The following FMNL2 variants were observed in gnomAD, a reference collection of about 807,000 sequenced individuals.
FMNL2 encodes formin like 2.
A neutral mutation model predicts 130.2 loss-of-function variants in FMNL2; 51 were observed. That is an observed-to-expected ratio of 0.39 (90% CI 0.31 to 0.49). The LOEUF (loss-of-function observed/expected upper bound fraction) is 0.49. Among genes scored for constraint, FMNL2 ranks in the 20% least tolerant of loss-of-function variants. FMNL2 has a pLI of 0.85. For missense variants in FMNL2, 977 were observed against 1,316.2 expected (o/e 0.74, Z 3.99); for synonymous variants, 465 against 467.1 (o/e 1.00, Z 0.06).
chr2:152,358,530 A>G (rs886092435), intron 1 of FMNL2, among the ~76,000 whole-genome samples: 11 of 152,214 alleles, frequency 7.2e-5, no homozygotes, highest in African/African-American at 2.6e-4. Flanking sequence ...GCACACCTGT[A>G]GTCCCAGCTA....
chr2:152,647,369 G>A (rs187873883), intron 25 of FMNL2, among the ~76,000 whole-genome samples: 7 of 152,260 alleles, frequency 4.6e-5, no homozygotes, highest in East Asian at 1.9e-4. Flanking sequence ...TTAAAACTGC[G>A]AGGAAAAGAT....
rs4664114 is a variant in FMNL2, at chr2:152,521,945, T to C, written c.120T>C (p.Asn40=). 1,089,055 of 1,608,258 alleles carry C rather than the reference T, an allele frequency of 0.68. 370,392 individuals carry two copies. The highest frequency in any genetic ancestry group is 0.8 in the Admixed American group (47,973 of 59,808). The part of the protein sequence containing the change: ...ELEERFAIVL[N]AMNLPPDKAR... ...CTCTCTTTATTTTTTTTAAACAGAA[T>C]GCTATGAACCTACCTCCTGACAAAG... The change falls in exon 2 of 26, where the codon AAT becomes AAC. Residue 40 remains asparagine (N), a splice_region_variant and synonymous_variant. Transcript: ENST00000288670.
intron 21 of FMNL2, among the ~76,000 whole-genome samples, chr2:152,633,642 C>T (rs1682340277): frequency 6.6e-6 from 1 of 152,180 alleles, no homozygotes; most frequent in Non-Finnish European, 1.5e-5. Context: ...GTTCGGGGCT[C>T]ACTTAGACAG....
At chr2:152,580,858 G>A in intron 8 of FMNL2, 98 bp from the exon 9 acceptor site, 3 of 1,122,180 alleles carry the variant, frequency 2.7e-6, no homozygotes, top group South Asian at 1.4e-5. Context: ...AAAATGTAAG[G>A]GCAAATGTTT....
At chr2:152,607,768 T>C (rs1463134749) in intron 10 of FMNL2, 1 of 166,572 alleles carries the variant, frequency 6.0e-6, no homozygotes, top group Non-Finnish European at 1.3e-5. Context: ...CTTGACCTTT[T>C]TTATTTTTGC....
At chr2:152,624,875 C>T (rs1049545278) in intron 15 of FMNL2, among the ~76,000 whole-genome samples, 1 of 152,156 alleles carries the variant, frequency 6.6e-6, no homozygotes, top group East Asian at 1.9e-4. Flanking sequence ...CCTTAGTCTG[C>T]TTGAAATAAC....
At chr2:152,457,533 A>G (rs943806040) in intron 1 of FMNL2, among the ~76,000 whole-genome samples, 19 of 152,214 alleles carry the variant, frequency 1.2e-4, no homozygotes, top group Admixed American at 7.9e-4. Flanking sequence ...TTCAGGGTCC[A>G]CATTCAACTT....
chr2:152,642,101 T>C (rs1812713), intron 25 of FMNL2, among the ~76,000 whole-genome samples: 150,572 of 152,142 alleles, frequency 0.99, 74,524 homozygotes, highest in East Asian at 1. Flanking sequence ...CCACCACGCC[T>C]GGATAATTTT....
At chr2:152,469,503 C>T (rs1386542666) in intron 1 of FMNL2, among the ~76,000 whole-genome samples, 1 of 152,212 alleles carries the variant, frequency 6.6e-6, no homozygotes, top group African/African-American at 2.4e-5. Flanking sequence ...CGTCTTCTGA[C>T]TCATGCCATT....
chr2:152,467,343 T>TTTGG (rs1318546377), intron 1 of FMNL2, among the ~76,000 whole-genome samples: 1 of 152,178 alleles, frequency 6.6e-6, no homozygotes, highest in East Asian at 1.9e-4. Context: ...CACACAAATC[T>TTTGG]CAAAATAGAT....
At chr2:152,615,772 A>G (rs1698914007) in intron 12 of FMNL2, among the ~76,000 whole-genome samples, 5 of 152,250 alleles carry the variant, frequency 3.3e-5, no homozygotes, top group Admixed American at 3.3e-4. Flanking sequence ...TTCCTTGATT[A>G]TGAAATGAAG....
chr2:152,545,921 A>G (rs1694606390), intron 3 of FMNL2, among the ~76,000 whole-genome samples: 1 of 152,258 alleles, frequency 6.6e-6, no homozygotes, highest in Non-Finnish European at 1.5e-5. Flanking sequence ...AAGTCAGTTT[A>G]GTTTGCCTCC....
At chr2:152,529,966 AAAAAG>A (rs1437619602) in intron 2 of FMNL2, among the ~76,000 whole-genome samples, 6 of 152,130 alleles carry the variant, frequency 3.9e-5, no homozygotes, top group Non-Finnish European at 5.9e-5. Flanking sequence ...GGGAAGGAAA[AAAAAG>A]AAAAGAAACT....
At chr2:152,568,650 A>G (rs1206978863) in intron 6 of FMNL2, among the ~76,000 whole-genome samples, 1 of 152,204 alleles carries the variant, frequency 6.6e-6, no homozygotes, top group Non-Finnish European at 1.5e-5. Flanking sequence ...TTACAATCCT[A>G]GTGGAAGGGG....
chr2:152,522,889 A>G (rs1693172190), intron 2 of FMNL2, among the ~76,000 whole-genome samples: 1 of 152,226 alleles, frequency 6.6e-6, no homozygotes, highest in African/African-American at 2.4e-5. Context: ...GCTGTCAGAA[A>G]AAGCCTCAGC....
chr2:152,628,732 A>T (rs1327814041), intron 18 of FMNL2, among the ~76,000 whole-genome samples, 199 bp downstream of exon 18: 3 of 152,202 alleles, frequency 2.0e-5, no homozygotes, highest in Non-Finnish European at 2.9e-5. Flanking sequence ...GAATGTTCAT[A>T]TTCCATATTG....
intron 1 of FMNL2, among the ~76,000 whole-genome samples, chr2:152,395,350 C>G (rs930621340): frequency 6.6e-6 from 1 of 152,186 alleles, no homozygotes; most frequent in Non-Finnish European, 1.5e-5. Context: ...AAGTTCTAGG[C>G]AAGAGATAGA....
chr2:152,454,694 C>A (rs1688851573), intron 1 of FMNL2, among the ~76,000 whole-genome samples: 1 of 152,174 alleles, frequency 6.6e-6, no homozygotes, highest in Non-Finnish European at 1.5e-5. Context: ...GCTGGGAGCT[C>A]TTCATTAAGA....
rs528868609 is a variant in FMNL2, at chr2:152,586,185, C to G, written c.876+5136C>G. Reference sequence around the variant, plus strand: ...CTGAGTTTGGTTATTAAAGGCTCAACTCCCTCCCACTTTTGACCTTCCAGT... The same window carrying G: ...CTGAGTTTGGTTATTAAAGGCTCAAGTCCCTCCCACTTTTGACCTTCCAGT... On this transcript the variant is annotated intron_variant, in intron 9 of 25. Transcript: ENST00000288670. Among the ~76,000 whole-genome samples, 16 of 152,326 alleles carry G rather than the reference C, an allele frequency of 1.1e-4. No homozygotes were observed. The South Asian group carries it at 3.3e-3, about 32-fold the overall frequency.
Sources: gnomAD v4.1 joint callset for allele counts (sites outside exome capture counted in the v4.1 genomes callset) on GRCh38, gnomAD v4.1.1 for gene constraint, MANE v1.5 for transcripts, NCBI Gene and HGNC (gene_info 2026-07-23, HGNC 2026-07-21) for gene names.